The following ZNF385D variants were observed in gnomAD, a reference collection of about 807,000 sequenced individuals.
ZNF385D encodes zinc finger protein 659.
A neutral mutation model predicts 35.8 loss-of-function variants in ZNF385D; 15 were observed. That is an observed-to-expected ratio of 0.42 (90% confidence interval 0.28 to 0.64). The LOEUF (loss-of-function observed/expected upper bound fraction) is 0.64. Among genes scored for constraint, ZNF385D ranks in the 30% least tolerant of loss-of-function variants. The pLI is 0.23. For missense variants in ZNF385D, 474 were observed against 494.6 expected (o/e 0.96, Z 0.39); for synonymous variants, 212 against 186.8 (o/e 1.13, Z -1.10).
intron 1 of ZNF385D, among the ~76,000 whole-genome samples, chr3:21,722,813 T>C (rs971317954): frequency 1.3e-5 from 2 of 152,260 alleles, no homozygotes; most frequent in African/African-American, 4.8e-5. Context: ...GACTGCCTTC[T>C]ACAGTGTATC....
At chr3:22,143,206 C>T (rs532086006) in intron 3 of ZNF385D, among the ~76,000 whole-genome samples, 27 of 151,932 alleles carry the variant, frequency 1.8e-4, no homozygotes, top group Non-Finnish European at 8.8e-5. Context: ...CCTCAGCCTC[C>T]GGAGTAGCAG....
intron 3 of ZNF385D, among the ~76,000 whole-genome samples, chr3:22,094,384 T>TGAGA (rs150353996): frequency 3.8e-5 from 4 of 104,152 alleles, no homozygotes; most frequent in African/African-American, 1.0e-4. Context: ...CATTTATTGT[T>TGAGA]GATATATATA....
intron 4 of ZNF385D, among the ~76,000 whole-genome samples, chr3:21,453,478 G>T (rs553364694): frequency 1.5e-4 from 23 of 151,838 alleles, no homozygotes; most frequent in African/African-American, 5.5e-4. Flanking sequence ...TCTGATATAG[G>T]TCTAATATCC....
chr3:21,425,141 C>A (rs1248457849), intron 6 of ZNF385D, among the ~76,000 whole-genome samples: 1 of 152,160 alleles, frequency 6.6e-6, no homozygotes, highest in Non-Finnish European at 1.5e-5. Context: ...GCAAGTTGAT[C>A]TTTAAAGAAA....
chr3:21,579,392 T>C (rs2063586043), intron 2 of ZNF385D: 1 of 152,140 alleles, frequency 6.6e-6, no homozygotes, highest in African/African-American at 2.4e-5. Flanking sequence ...GTAAGGACAA[T>C]ATACTTTAAT....
chr3:22,296,886 G>A (rs183714351), intron 2 of ZNF385D, among the ~76,000 whole-genome samples: 2 of 152,148 alleles, frequency 1.3e-5, no homozygotes, highest in Admixed American at 6.6e-5. Flanking sequence ...ATGGCTAATG[G>A]GCCAGGCCAG....
At chr3:22,313,995 A>T (rs1703741882) in intron 2 of ZNF385D, among the ~76,000 whole-genome samples, 1 of 152,162 alleles carries the variant, frequency 6.6e-6, no homozygotes, top group Non-Finnish European at 1.5e-5. Flanking sequence ...CATTTGTTGC[A>T]GATTCCAGTC....
At chr3:21,976,528 C>T (rs900668883) in intron 3 of ZNF385D, among the ~76,000 whole-genome samples, 1 of 151,974 alleles carries the variant, frequency 6.6e-6, no homozygotes, top group East Asian at 1.9e-4. Context: ...TAGACTATAA[C>T]AGGAAATACA....
chr3:22,112,499 C>A (rs987737215), intron 3 of ZNF385D, among the ~76,000 whole-genome samples: 4 of 151,968 alleles, frequency 2.6e-5, no homozygotes, highest in Non-Finnish European at 4.4e-5. Context: ...TGTTGATAAG[C>A]AAAATTATAT....
chr3:21,895,516 T>C (rs1334158202), intron 3 of ZNF385D, among the ~76,000 whole-genome samples: 1 of 147,826 alleles, frequency 6.8e-6, no homozygotes, highest in Non-Finnish European at 1.5e-5. Flanking sequence ...TTTTTTTGTA[T>C]TTTAAGTTGA....
chr3:22,215,435 TA>T (rs927127551), intron 2 of ZNF385D, among the ~76,000 whole-genome samples: 2 of 151,978 alleles, frequency 1.3e-5, no homozygotes, highest in Non-Finnish European at 2.9e-5. Flanking sequence ...GGTAGGCCTC[TA>T]AAATGGCTGC....
At chr3:21,922,537 G>A (rs1700521971) in intron 3 of ZNF385D, among the ~76,000 whole-genome samples, 1 of 152,170 alleles carries the variant, frequency 6.6e-6, no homozygotes, top group Non-Finnish European at 1.5e-5. Flanking sequence ...AAGCAATGAG[G>A]AAAGGACTCC....
Position 21,693,314 on chromosome 3 carries a change from G to A in ZNF385D, c.23-28286C>T, listed in dbSNP as rs74586025. Among the ~76,000 whole-genome samples, 393 of 152,314 alleles carry A rather than the reference G, an allele frequency of 2.6e-3. 1 individual carries two copies. The highest frequency in any genetic ancestry group is 9.2e-3 in the African/African-American group (383 of 41,570). ...TGAGACTATTGTCCACAGCAACGCAGAGGAACCCAGTGTTACTGAGCCTAG... is the reference window on the plus strand; with the variant it reads ...TGAGACTATTGTCCACAGCAACGCAAAGGAACCCAGTGTTACTGAGCCTAG... On this transcript the variant is annotated intron_variant, in intron 1 of 7. Coordinates refer to ENST00000281523, the MANE Select transcript of ZNF385D (RefSeq NM_024697.3).
chr3:21,424,800 TG>T (rs1247674005), intron 6 of ZNF385D, among the ~76,000 whole-genome samples: 11 of 151,678 alleles, frequency 7.3e-5, no homozygotes, highest in African/African-American at 2.4e-4. Context: ...TCCATACTAA[TG>T]TTTATCCTCA....
intron 3 of ZNF385D, among the ~76,000 whole-genome samples, chr3:22,109,784 T>G (rs1313857613): frequency 6.6e-6 from 1 of 152,110 alleles, no homozygotes; most frequent in East Asian, 1.9e-4. Context: ...AAATGGGATC[T>G]AATTAAACTA....
chr3:22,343,994 T>C (rs1394479856), intron 2 of ZNF385D, among the ~76,000 whole-genome samples: 3 of 152,150 alleles, frequency 2.0e-5, no homozygotes, highest in Non-Finnish European at 4.4e-5. Context: ...TTTCCACCCA[T>C]TATTTAAGAT....
intron 3 of ZNF385D, among the ~76,000 whole-genome samples, chr3:21,957,941 C>G (rs776082979): frequency 3.3e-5 from 5 of 152,070 alleles, no homozygotes; most frequent in Admixed American, 2.0e-4. Context: ...TGTTGTCATT[C>G]AGAAAAACAG....
At chr3:21,524,303 C>T (rs1433979495) in intron 3 of ZNF385D, among the ~76,000 whole-genome samples, 1 of 152,122 alleles carries the variant, frequency 6.6e-6, no homozygotes, top group East Asian at 1.9e-4. Context: ...TGGGAAATGT[C>T]ATTTGAAAGA....
At chr3:22,026,881 G>A (rs1172612229) in intron 3 of ZNF385D, among the ~76,000 whole-genome samples, 1 of 152,216 alleles carries the variant, frequency 6.6e-6, no homozygotes, top group Non-Finnish European at 1.5e-5. Context: ...CTGTGCAGAA[G>A]ACAGAGGGAT....
Sources: allele counts gnomAD v4.1 joint callset (sites outside exome capture counted in the v4.1 genomes callset), GRCh38; gene constraint gnomAD v4.1.1; transcripts MANE v1.5; gene names NCBI Gene and HGNC (gene_info 2026-07-23, HGNC 2026-07-21).